CDH18: variants seen among roughly 807,000 people sequenced by gnomAD.
CDH18 encodes cadherin 18, also known as cadherin-18.
Under a neutral mutation model 67.9 loss-of-function variants are expected in CDH18, and 31 were observed. The ratio of observed to expected loss-of-function variants is 0.46; its 90% CI spans 0.34 to 0.62. The LOEUF (loss-of-function observed/expected upper bound fraction) is 0.62. Among genes scored for constraint, CDH18 ranks in the 20% least tolerant of loss-of-function variants. CDH18 has a pLI of 0.01. For missense variants in CDH18, 890 were observed against 975.5 expected, an observed-to-expected ratio of 0.91 and a Z score of 1.17; for synonymous variants, 362 against 347.2, an observed-to-expected ratio of 1.04 and a Z score of -0.48.
intron 2 of CDH18, among the ~76,000 whole-genome samples, chr5:20,127,034 T>A (rs1487442641): frequency 1.3e-5 from 2 of 152,120 alleles, no homozygotes; most frequent in Non-Finnish European, 2.9e-5. Context: ...AGAGATATGG[T>A]TTGGCTCTGT....
At chr5:20,327,732 G>C (rs1418481368) in intron 1 of CDH18, among the ~76,000 whole-genome samples, 1 of 152,074 alleles carries the variant, frequency 6.6e-6, no homozygotes. Context: ...GACTTAGAAA[G>C]TAATAGGACA....
intron 1 of CDH18, among the ~76,000 whole-genome samples, chr5:20,540,404 A>G (rs745578229): frequency 1.1e-4 from 17 of 152,194 alleles, no homozygotes; most frequent in African/African-American, 4.1e-4. Flanking sequence ...CTATTGTGAT[A>G]ATTATAACAA....
chr5:20,237,308 T>A (rs1742550468), intron 2 of CDH18, among the ~76,000 whole-genome samples: 1 of 151,898 alleles, frequency 6.6e-6, no homozygotes, highest in African/African-American at 2.4e-5. Flanking sequence ...TTCAATAGTG[T>A]ACAGGGGTTT....
intron 12 of CDH18, among the ~76,000 whole-genome samples, chr5:19,480,961 A>C (rs1212928344): frequency 2.0e-5 from 3 of 152,138 alleles, no homozygotes; most frequent in African/African-American, 7.2e-5. Context: ...CTGGTGCACC[A>C]AACTTCCATC....
chr5:20,317,156 C>A (rs1737546557), intron 1 of CDH18, among the ~76,000 whole-genome samples: 1 of 151,694 alleles, frequency 6.6e-6, no homozygotes, highest in African/African-American at 2.4e-5. Context: ...AGAATTTTAT[C>A]TTTTTTTTGA....
At position 20,560,422 on chromosome 5, in the gene CDH18, G is replaced by A. The variant is rs143636298; in HGVS notation, c.-580+15040C>T. Among the ~76,000 whole-genome samples the A allele has an allele frequency of 1.1e-3, 170 of 148,566 alleles. 1 individual carries two copies. The highest frequency in any genetic ancestry group is 3.5e-3 in the Middle Eastern group (1 of 288). On this transcript the variant is annotated intron_variant, in intron 1 of 14. Coordinates refer to the CDH18 transcript ENST00000507958. Reference sequence around the variant, plus strand: ...AGTTAAGAATTGAAAAAGTATGTTAGGAATCATCTAATGACTTTAACCACT... The same window carrying A: ...AGTTAAGAATTGAAAAAGTATGTTAAGAATCATCTAATGACTTTAACCACT...
At chr5:20,420,999 G>A (rs918505736) in intron 1 of CDH18, among the ~76,000 whole-genome samples, 2 of 151,026 alleles carry the variant, frequency 1.3e-5, no homozygotes, top group Non-Finnish European at 2.9e-5. Flanking sequence ...CTTTAATAAG[G>A]CTTGATTGTT....
chr5:20,534,591 A>T (rs1756604340), intron 1 of CDH18, among the ~76,000 whole-genome samples: 1 of 151,896 alleles, frequency 6.6e-6, no homozygotes, highest in African/African-American at 2.4e-5. Context: ...GGAAAATAAA[A>T]TTTTTCCATC....
chr5:20,523,962 T>G (rs1400925180), intron 1 of CDH18, among the ~76,000 whole-genome samples: 3 of 152,244 alleles, frequency 2.0e-5, no homozygotes, highest in African/African-American at 7.2e-5. Context: ...AAGTTGTGTG[T>G]GTATGCACAG....
At chr5:20,305,319 G>A (rs1043042747) in intron 1 of CDH18, 4 of 1,572,424 alleles carry the variant, frequency 2.5e-6, no homozygotes, top group Admixed American at 1.7e-5. Flanking sequence ...CAACATTTCT[G>A]CGCTTTGCTT....
rs1315296579 is a variant in CDH18 at position 19,471,308 on chromosome 5, C to A, written c.*1918G>T. On this transcript the variant is annotated 3_prime_UTR_variant, in exon 13 of 13. Transcript: ENST00000382275. ...TGGAAAACTAAAATGTCGTAAAAAGCTTAAATTACATTTTATTCCTCAGGC... is the reference window on the plus strand; with the variant it reads ...TGGAAAACTAAAATGTCGTAAAAAGATTAAATTACATTTTATTCCTCAGGC... 1.3e-5 allele frequency among the ~76,000 whole-genome samples: 2 copies of A among 152,042 alleles called. No homozygotes were observed. Among genetic ancestry groups the A allele is most frequent in the African/African-American group, 4.8e-5 (2 of 41,402 alleles).
chr5:20,323,879 G>A (rs772214470), intron 1 of CDH18, among the ~76,000 whole-genome samples: 7 of 152,112 alleles, frequency 4.6e-5, no homozygotes, highest in African/African-American at 9.7e-5. Flanking sequence ...TCTTGTGCTC[G>A]ATGTCTTAAT....
At chr5:20,458,207 T>C (rs1750977970) in intron 1 of CDH18, among the ~76,000 whole-genome samples, 1 of 152,320 alleles carries the variant, frequency 6.6e-6, no homozygotes, top group African/African-American at 2.4e-5. Flanking sequence ...AGCCTCGATC[T>C]CCTGGGCTCA....
intron 1 of CDH18, among the ~76,000 whole-genome samples, chr5:20,556,255 A>G (rs1160139464): frequency 6.6e-6 from 1 of 152,184 alleles, no homozygotes; most frequent in African/African-American, 2.4e-5. Context: ...AAATATGCGC[A>G]GCCACCCATC....
chr5:19,934,236 T>C (rs1295046057), intron 2 of CDH18, among the ~76,000 whole-genome samples: 1 of 151,366 alleles, frequency 6.6e-6, no homozygotes, highest in Admixed American at 6.6e-5. Context: ...AATAAATGAA[T>C]TATTTTATGA....
chr5:19,691,243 A>G (rs1761835380), intron 5 of CDH18, among the ~76,000 whole-genome samples: 1 of 151,774 alleles, frequency 6.6e-6, no homozygotes, highest in Non-Finnish European at 1.5e-5. Context: ...GTAGAAAAAA[A>G]CACATCTTAT....
At chr5:20,035,676 A>G (rs902814307) in intron 2 of CDH18, among the ~76,000 whole-genome samples, 5 of 152,050 alleles carry the variant, frequency 3.3e-5, no homozygotes, top group Non-Finnish European at 7.4e-5. Context: ...ATCCCTTGAC[A>G]TGATACATGG....
intron 8 of CDH18, among the ~76,000 whole-genome samples, chr5:19,559,470 CA>C (rs1304925577): frequency 6.6e-6 from 1 of 151,872 alleles, no homozygotes; most frequent in Non-Finnish European, 1.5e-5. Context: ...GAACAAAATC[CA>C]GCATCCTTTT....
intron 2 of CDH18, among the ~76,000 whole-genome samples, chr5:20,056,337 CAA>C (rs753222416): frequency 2.7e-5 from 3 of 112,800 alleles, no homozygotes; most frequent in African/African-American, 3.2e-5. Flanking sequence ...TCCACATTTT[CAA>C]AAAAAAAAAA....
Sources: allele counts gnomAD v4.1 joint callset (sites outside exome capture counted in the v4.1 genomes callset), GRCh38; gene constraint gnomAD v4.1.1; transcripts MANE v1.5; gene names NCBI Gene and HGNC (gene_info 2026-07-23, HGNC 2026-07-21).